Variants in ALMS1 observed in about 807,000 individuals in gnomAD.
The protein encoded by ALMS1 is centrosome-associated protein ALMS1.
In ALMS1, 271 loss-of-function variants were observed where a neutral mutation model predicts 352.2. The ratio of observed to expected loss-of-function variants is 0.77; its 90% confidence interval spans 0.70 to 0.85. The LOEUF (loss-of-function observed/expected upper bound fraction) is 0.85. ALMS1 is among the 40% of genes least tolerant of loss of function. The pLI is 0.00. For synonymous variants in ALMS1, 1,865 were observed against 1,761.2 expected (o/e 1.06, Z -1.48); for missense variants, 5,445 against 4,870.7 (o/e 1.12, Z -3.51).
rs570140233 is a variant in ALMS1 at position 73,465,623 on chromosome 2, C to A, written c.7674+10328C>A. Among the ~76,000 whole-genome samples, 327 of 152,058 alleles carry A rather than the reference C, an allele frequency of 2.2e-3. 1 individual carries two copies. Among genetic ancestry groups the A allele is most frequent in the African/African-American group, 6.4e-3 (264 of 41,458 alleles). Reference sequence around the variant, plus strand: ...ACACCAAAAGCAATGGCAACAAAAGCCAAAATTGACAAATGGGATCTAATT... The same window carrying A: ...ACACCAAAAGCAATGGCAACAAAAGACAAAATTGACAAATGGGATCTAATT... On this transcript the variant is annotated intron_variant, in intron 9 of 22. Coordinates refer to ENST00000613296, the MANE Select transcript of ALMS1 (RefSeq NM_001378454.1).
In ALMS1 at chr2:73,385,937, G is replaced by C. The variant is rs1054040147; in HGVS notation, c.69G>C (p.Glu23Asp). 3.0e-6 allele frequency: 3 copies of C among 1,000,644 alleles called. No individual in the cohort carries two copies. Among genetic ancestry groups the C allele is most frequent in the Non-Finnish European group, 4.4e-6 (3 of 676,792 alleles). The allele number at this position is 1,000,644 out of a possible 1,614,324, so 62.0% of individuals were successfully genotyped here. Residue 23 changes from glutamate to aspartate, a missense_variant, in exon 1 of 23, where the codon GAG becomes GAC. Transcript: ENST00000613296. The stretch of plus-strand genomic sequence containing the variant: ...AGGAGGAGGAGGAGGAGGAGGAGGA[G>C]GAGGAAGAGGAGGAGGCTGCAGCGG... ...EEEEEEEEEE[E>D]EEEEEAAAAA...
intron 7 of ALMS1, among the ~76,000 whole-genome samples, chr2:73,437,944 C>T (rs1023113057): frequency 6.6e-6 from 1 of 152,132 alleles, no homozygotes; most frequent in Non-Finnish European, 1.5e-5. Flanking sequence ...CACCCTCCTA[C>T]AGAAATAAAA....
rs563026258 is a variant in ALMS1 at position 73,580,893 on chromosome 2, CAAAAG to C, written c.11547+7474_11547+7478del. 3.2e-3 allele frequency among the ~76,000 whole-genome samples: 486 copies of C among 152,176 alleles called. 1 individual carries two copies. Among genetic ancestry groups the C allele is most frequent in the Non-Finnish European group, 4.8e-3 (328 of 67,982 alleles). On this transcript the variant is annotated intron_variant, in intron 16 of 22. Transcript: ENST00000613296. ...CTTAAATGCCTGGGGCCGAAAAAAG[CAAAAG>C]AAAAAAGAAAATTCCCCAAGTCTTT...
intron 9 of ALMS1, among the ~76,000 whole-genome samples, chr2:73,487,612 T>A (rs1234536113): frequency 6.6e-6 from 1 of 152,190 alleles, no homozygotes; most frequent in Non-Finnish European, 1.5e-5. Context: ...GGGGCATGTT[T>A]CAGCCCTGTT....
In ALMS1 at chr2:73,602,219, C is replaced by G. The variant is rs1675709736; in HGVS notation, c.12149C>G (p.Ser4050Cys). Residue 4050 changes from serine to cysteine, a missense_variant, in exon 20 of 23, where the codon TCC becomes TGC. Physicochemically the swap from Ser to Cys is moderately radical, Grantham distance 112. Coordinates refer to ENST00000613296, the MANE Select transcript of ALMS1 (RefSeq NM_001378454.1). Reference protein sequence around the residue: ...SLQFHRPDFISRSGERIKRLK... With the variant: ...SLQFHRPDFICRSGERIKRLK... ...CAGTTTCACAGACCTGACTTCATCT[C>G]CCGCTCTGGGGAGCGGATAAAGCGC... 1 of 1,614,058 alleles carries G rather than the reference C, an allele frequency of 6.2e-7. No homozygotes were observed. The highest frequency in any genetic ancestry group is 1.3e-5 in the African/African-American group (1 of 75,022).
chr2:73,424,770 G>T lies in ALMS1; in HGVS notation c.1105G>T (p.Val369Phe), dbSNP rs778946969. The T allele has an allele frequency of 6.2e-7, 1 of 1,613,812 alleles. No homozygotes were observed. The highest frequency in any genetic ancestry group is 8.5e-7 in the Non-Finnish European group (1 of 1,179,792). Residue 369 changes from valine to phenylalanine, a missense_variant, in exon 5 of 23, where the codon GTT becomes TTT. Val to Phe is a conservative substitution (Grantham distance 50). Transcript: ENST00000613296. ...TTTAGCTGATAAAGATCAAGTTTCA[G>T]TTGCAACTTCATTTGACATAACTGA... ...NNLADKDQVS[V>F]ATSFDITDEN...
intron 16 of ALMS1, among the ~76,000 whole-genome samples, chr2:73,586,761 ATTGTTTTTTCTAG>A (rs942317586): frequency 6.6e-6 from 1 of 151,944 alleles, no homozygotes; most frequent in Non-Finnish European, 1.5e-5. Flanking sequence ...GAATTTTAGG[ATTGTTTTTTCTAG>A]TTCTGCAAAG....
intron 12 of ALMS1, among the ~76,000 whole-genome samples, chr2:73,548,063 G>A (rs987426105): frequency 2.0e-5 from 3 of 152,098 alleles, no homozygotes; most frequent in South Asian, 2.1e-4. Context: ...CAGATTTGGG[G>A]AAGATGATCA....
intron 9 of ALMS1, 83 bp from the exon 10 acceptor site, chr2:73,489,551 A>T (rs1229508360): frequency 2.6e-6 from 4 of 1,510,380 alleles, no homozygotes; most frequent in Non-Finnish European, 3.7e-6. Context: ...TAGCGTGGGT[A>T]TAAAACTGAT....
rs776704483 is a variant in ALMS1, at chr2:73,452,611, A to G, written c.6084A>G (p.Ser2028=). 5.0e-6 allele frequency: 8 copies of G among 1,613,970 alleles called. No homozygotes were observed. The highest frequency in any genetic ancestry group is 3.3e-5 in the Admixed American group (2 of 59,994). Residue 2028 remains serine (S), a synonymous_variant, in exon 8 of 23, where the codon TCA becomes TCG. Transcript: ENST00000613296. ...CACAAATAGAGAAGCCCAAGATTTC[A>G]ACTGTGATTGGACCAAATGACCAGA... ...SYSQIEKPKI[S]TVIGPNDQKT...
rs1385829663 is a variant in ALMS1, at chr2:73,573,028, T to C, written c.11151T>C (p.Asp3717=). Residue 3717 remains aspartate (D), a synonymous_variant, in exon 16 of 23, where the codon GAT becomes GAC. Coordinates refer to ENST00000613296, the MANE Select transcript of ALMS1 (RefSeq NM_001378454.1). ...NQIKIEQIKF[D]KYILSKQPGF... ...TTAAAATTGAACAGATTAAATTTGATAAATATATTCTGAGTAAACAGCCAG... is the reference window on the plus strand; with the variant it reads ...TTAAAATTGAACAGATTAAATTTGACAAATATATTCTGAGTAAACAGCCAG... 6.2e-7 allele frequency: 1 copy of C among 1,614,074 alleles called. No homozygotes were observed. Among genetic ancestry groups the C allele is most frequent in the East Asian group, 2.2e-5 (1 of 44,868 alleles).
chr2:73,428,679 A>C (rs1168196215), intron 6 of ALMS1, among the ~76,000 whole-genome samples: 1 of 152,240 alleles, frequency 6.6e-6, no homozygotes, highest in Non-Finnish European at 1.5e-5. Context: ...TTATTCTTTC[A>C]ATCTAAGGAA....
chr2:73,511,420 G>A lies in ALMS1; in HGVS notation c.9540-8355G>A, dbSNP rs114629941. ...TCATGGCTTCCCTTGGTTAGGGGAG[G>A]GAGTTCCCCAACCCGTTGTGCTTCC... On this transcript the variant is annotated intron_variant, in intron 10 of 22. Coordinates refer to ENST00000613296, the MANE Select transcript of ALMS1 (RefSeq NM_001378454.1). 1.8e-3 allele frequency among the ~76,000 whole-genome samples: 272 copies of A among 152,034 alleles called. 1 individual carries two copies. Among genetic ancestry groups the A allele is most frequent in the South Asian group, 0.012 (59 of 4,818 alleles).
chr2:73,465,263 C>T (rs1296351083), intron 9 of ALMS1, among the ~76,000 whole-genome samples: 12 of 152,164 alleles, frequency 7.9e-5, no homozygotes, highest in African/African-American at 2.6e-4. Flanking sequence ...GTAACCAAAA[C>T]AGCATGGTAC....
chr2:73,572,224 T>A (rs549794311), intron 15 of ALMS1, 38 bp from the exon 16 acceptor site: 1 of 1,547,388 alleles, frequency 6.5e-7, no homozygotes, highest in South Asian at 1.2e-5. Flanking sequence ...AATGCTAATT[T>A]TTTAAGTTCT....
At chr2:73,586,216 T>G (rs1417993843) in intron 16 of ALMS1, among the ~76,000 whole-genome samples, 2 of 152,248 alleles carry the variant, frequency 1.3e-5, no homozygotes, top group Non-Finnish European at 2.9e-5. Flanking sequence ...TCTCCCATTT[T>G]GTGGGTTGTT....
intron 11 of ALMS1, among the ~76,000 whole-genome samples, chr2:73,524,481 A>G (rs1673747826): frequency 1.3e-5 from 2 of 151,960 alleles, no homozygotes; most frequent in Non-Finnish European, 1.5e-5. Flanking sequence ...TTTGAGATGG[A>G]GTCTTGCTCT....
chr2:73,460,558 G>A (rs545292813), intron 9 of ALMS1, among the ~76,000 whole-genome samples: 2 of 152,164 alleles, frequency 1.3e-5, no homozygotes, highest in African/African-American at 4.8e-5. Flanking sequence ...GAGGTACCGG[G>A]TTCATCTCAC....
intron 16 of ALMS1, among the ~76,000 whole-genome samples, chr2:73,594,538 A>G (rs1436643912): frequency 6.6e-6 from 1 of 152,160 alleles, no homozygotes; most frequent in Non-Finnish European, 1.5e-5. Context: ...TGTGAATCCT[A>G]CCCACTCCCA....
Sources: gnomAD v4.1 joint callset for allele counts (sites outside exome capture counted in the v4.1 genomes callset) on GRCh38, gnomAD v4.1.1 for gene constraint, MANE v1.5 for transcripts, NCBI Gene and HGNC (gene_info 2026-07-23, HGNC 2026-07-21) for gene names.